Variants in FHIT observed in about 807,000 individuals in gnomAD.
FHIT encodes the protein fragile histidine triad diadenosine triphosphatase.
FHIT carries 19 observed loss-of-function variants against 17.9 expected under a neutral mutation model. The observed-to-expected ratio is 1.06, with a 90% confidence interval of 0.74 to 1.56. The LOEUF (loss-of-function observed/expected upper bound fraction) is 1.56, where lower values mean the gene tolerates loss of function less well. Ranked by LOEUF, FHIT falls within the 40% of genes most tolerant of loss-of-function variation. FHIT has a pLI of 0.00. For missense variants in FHIT, 248 were observed against 189.2 expected (o/e 1.31, Z -1.82); for synonymous variants, 81 against 69.7 (o/e 1.16, Z -0.81).
chr3:60,704,562 G>C (rs1222321962), intron 4 of FHIT, among the ~76,000 whole-genome samples: 1 of 152,120 alleles, frequency 6.6e-6, no homozygotes, highest in African/African-American at 2.4e-5. Context: ...GACATTTCAA[G>C]GGGTTATTGT....
At chr3:61,211,957 G>A (rs1240417574) in intron 1 of FHIT, among the ~76,000 whole-genome samples, 2 of 152,206 alleles carry the variant, frequency 1.3e-5, no homozygotes, top group Non-Finnish European at 2.9e-5. Flanking sequence ...CTGTCTCGTA[G>A]AAGGAAAACT....
intron 5 of FHIT, among the ~76,000 whole-genome samples, chr3:60,420,538 C>G (rs1702428325): frequency 6.6e-6 from 1 of 152,224 alleles, no homozygotes; most frequent in Admixed American, 6.5e-5. Flanking sequence ...TCTCCACATT[C>G]TAACAGCATT....
At chr3:59,942,910 A>C (rs894537564) in intron 7 of FHIT, among the ~76,000 whole-genome samples, 3 of 152,030 alleles carry the variant, frequency 2.0e-5, no homozygotes, top group African/African-American at 7.2e-5. Context: ...CGGCCTCCCA[A>C]AGTGCTGGGA....
chr3:60,589,978 C>T (rs935058762), intron 4 of FHIT, among the ~76,000 whole-genome samples: 24 of 152,124 alleles, frequency 1.6e-4, no homozygotes, highest in African/African-American at 5.8e-4. Context: ...ACTTTAGTTT[C>T]TGGGCCTGCT....
At chr3:60,687,902 C>G (rs2040894771) in intron 4 of FHIT, among the ~76,000 whole-genome samples, 1 of 152,036 alleles carries the variant, frequency 6.6e-6, no homozygotes, top group African/African-American at 2.4e-5. Flanking sequence ...GAAAATATAA[C>G]CTTCTTGATT....
chr3:61,027,396 T>G (rs1223111008), intron 3 of FHIT, among the ~76,000 whole-genome samples: 1 of 152,220 alleles, frequency 6.6e-6, no homozygotes, highest in African/African-American at 2.4e-5. Flanking sequence ...CCTTATACTT[T>G]TATTATCTAT....
Position 60,719,084 on chromosome 3 carries a change from A to G in FHIT, c.-18+102835T>C, listed in dbSNP as rs75120817. ...CATGCCCAACAGCCAGCCCCACTAT[A>G]TCAAGTCCCTTAGCCTCTCTCCATT... On this transcript the variant is annotated intron_variant, in intron 4 of 9. Transcript: ENST00000492590. 9.8e-3 allele frequency among the ~76,000 whole-genome samples: 1,496 copies of G among 152,326 alleles called. 30 individuals carry two copies. Among genetic ancestry groups the G allele is most frequent in the African/African-American group, 0.035 (1,434 of 41,560 alleles).
At chr3:60,135,370 A>G (rs1484635335) in intron 5 of FHIT, among the ~76,000 whole-genome samples, 1 of 152,008 alleles carries the variant, frequency 6.6e-6, no homozygotes, top group Non-Finnish European at 1.5e-5. Flanking sequence ...AAGCAGAAAA[A>G]CTGTGCAGAT....
intron 5 of FHIT, among the ~76,000 whole-genome samples, chr3:60,248,589 ACT>A (rs1332796131): frequency 1.3e-5 from 2 of 152,116 alleles, no homozygotes; most frequent in Non-Finnish European, 2.9e-5. Flanking sequence ...ATTTGAAGAA[ACT>A]CTGAGAAATT....
chr3:61,201,642 C>T (rs939126297), intron 1 of FHIT, among the ~76,000 whole-genome samples: 1 of 152,064 alleles, frequency 6.6e-6, no homozygotes, highest in Non-Finnish European at 1.5e-5. Flanking sequence ...TGATGCATGA[C>T]CACCAAAGAA....
chr3:60,164,501 C>T (rs1320347453), intron 5 of FHIT, among the ~76,000 whole-genome samples: 1 of 152,052 alleles, frequency 6.6e-6, no homozygotes, highest in African/African-American at 2.4e-5. Context: ...CCTCAACTGA[C>T]AAGTTTATTA....
chr3:59,825,576 T>G (rs1040289822), intron 8 of FHIT, among the ~76,000 whole-genome samples: 2 of 152,238 alleles, frequency 1.3e-5, no homozygotes, highest in Non-Finnish European at 2.9e-5. Context: ...CCACACCTGA[T>G]GTACTGAATA....
At chr3:60,434,288 T>G (rs1277557625) in intron 5 of FHIT, among the ~76,000 whole-genome samples, 1 of 152,136 alleles carries the variant, frequency 6.6e-6, no homozygotes, top group Non-Finnish European at 1.5e-5. Context: ...AAATCACTAT[T>G]GACAGCAAAA....
chr3:59,934,002 G>A (rs1416942875), intron 7 of FHIT, among the ~76,000 whole-genome samples: 1 of 152,098 alleles, frequency 6.6e-6, no homozygotes, highest in African/African-American at 2.4e-5. Context: ...CTAAAACAGG[G>A]CCCCTCAAGC....
At chr3:60,571,600 A>G (rs1049749378) in intron 4 of FHIT, among the ~76,000 whole-genome samples, 2 of 152,236 alleles carry the variant, frequency 1.3e-5, no homozygotes, top group East Asian at 1.9e-4. Flanking sequence ...ATGAAGAACA[A>G]AAGTCGGGCA....
intron 4 of FHIT, among the ~76,000 whole-genome samples, chr3:60,778,332 T>C (rs1700274118): frequency 6.6e-6 from 1 of 152,160 alleles, no homozygotes. Flanking sequence ...GAAGATGGTT[T>C]ATAATAAGCT....
chr3:60,386,304 G>A (rs935314359), intron 5 of FHIT, among the ~76,000 whole-genome samples: 3 of 152,080 alleles, frequency 2.0e-5, no homozygotes, highest in Admixed American at 6.6e-5. Context: ...CACCATCTGT[G>A]AGCTGCACAT....
intron 5 of FHIT, among the ~76,000 whole-genome samples, chr3:60,495,181 G>A (rs934712059): frequency 2.6e-5 from 4 of 151,774 alleles, no homozygotes; most frequent in Admixed American, 1.3e-4. Context: ...GGAGTGAGAT[G>A]ATATCTCGTT....
chr3:60,651,575 T>C (rs2039992279), intron 4 of FHIT, among the ~76,000 whole-genome samples: 1 of 152,070 alleles, frequency 6.6e-6, no homozygotes, highest in Non-Finnish European at 1.5e-5. Context: ...AATGAATTTT[T>C]AAAATAAATT....
Sources: allele counts gnomAD v4.1 joint callset (sites outside exome capture counted in the v4.1 genomes callset), GRCh38; gene constraint gnomAD v4.1.1; transcripts MANE v1.5; gene names NCBI Gene and HGNC (gene_info 2026-07-23, HGNC 2026-07-21).